Variants in NBEA observed in about 807,000 individuals in gnomAD.
NBEA encodes the protein lysosomal-trafficking regulator 2.
In NBEA, 44 loss-of-function variants were observed where a neutral mutation model predicts 343.4. That is an observed-to-expected ratio of 0.13 (90% confidence interval 0.10 to 0.16). The LOEUF is 0.16. NBEA is among the 10% of genes least tolerant of loss of function. The probability of loss-of-function intolerance (pLI) is 1.00; values close to 1 mark genes in which losing one functional copy is unlikely to be tolerated. For missense variants in NBEA, 2,555 were observed against 3,631.3 expected (o/e 0.70, Z 7.62); for synonymous variants, 1,175 against 1,238.7 (o/e 0.95, Z 1.08).
chr13:35,178,050 C>T (rs1271971142), intron 28 of NBEA, among the ~76,000 whole-genome samples: 1 of 151,460 alleles, frequency 6.6e-6, no homozygotes, highest in East Asian at 1.9e-4. Flanking sequence ...GGACACAAGG[C>T]AACAAACATG....
intron 31 of NBEA, among the ~76,000 whole-genome samples, chr13:35,208,169 G>T (rs1254047838): frequency 6.6e-6 from 1 of 152,108 alleles, no homozygotes; most frequent in African/African-American, 2.4e-5. Context: ...GTAGTGAGCC[G>T]AGATGGCACC....
rs59333937 is a variant in NBEA, at chr13:35,631,638, TAAAAAAAA to T, written c.7617+3406_7617+3413del. Among the ~76,000 whole-genome samples, 165 of 126,460 alleles carry T rather than the reference TAAAAAAAA, an allele frequency of 1.3e-3. 4 individuals are homozygous for T. In the East Asian group the frequency reaches 0.034, roughly 26 times the overall value. The allele number at this position is 126,460 out of a possible 152,430, so 83.0% of individuals were successfully genotyped here. A position where few individuals can be genotyped will look rare whatever the true frequency, so the allele number is the denominator to read the frequency against. ...TGAATATCTATATATGTCTCCTTTGTAAAAAAAAAAAAAAAAAAAAAAATTCTACTACT... is the reference window on the plus strand; with the variant it reads ...TGAATATCTATATATGTCTCCTTTGTAAAAAAAAAAAAAAATTCTACTACT... On this transcript the variant is annotated intron_variant, in intron 49 of 58. Coordinates refer to ENST00000379939, the MANE Select transcript of NBEA (RefSeq NM_001385012.1).
chr13:35,568,421 A>T (rs968747954), intron 45 of NBEA, among the ~76,000 whole-genome samples: 1 of 152,196 alleles, frequency 6.6e-6, no homozygotes. Flanking sequence ...TTCCAAGGTG[A>T]GTCAACCAAA....
intron 6 of NBEA, 111 bp downstream of exon 6, chr13:35,050,506 G>T: frequency 2.6e-6 from 3 of 1,137,082 alleles, no homozygotes; most frequent in East Asian, 2.7e-5. Context: ...GCTTTTAATT[G>T]TTTTCTCTTA....
At chr13:35,429,404 A>G (rs1223349264) in intron 38 of NBEA, among the ~76,000 whole-genome samples, 2 of 152,000 alleles carry the variant, frequency 1.3e-5, no homozygotes, top group Non-Finnish European at 2.9e-5. Context: ...CTATCTTGCT[A>G]AACTGCTGTT....
intron 31 of NBEA, among the ~76,000 whole-genome samples, chr13:35,206,262 C>G (rs2073389169): frequency 6.6e-6 from 1 of 151,982 alleles, no homozygotes; most frequent in South Asian, 2.1e-4. Context: ...AGCTTTTGCT[C>G]AAAGTTAGTA....
At chr13:35,417,784 T>C (rs2044017201) in intron 38 of NBEA, among the ~76,000 whole-genome samples, 3 of 152,292 alleles carry the variant, frequency 2.0e-5, no homozygotes, top group South Asian at 4.1e-4. Context: ...AATTCCTGGA[T>C]ATCCTTGTTA....
At chr13:35,557,827 G>C (rs962204866) in intron 44 of NBEA, among the ~76,000 whole-genome samples, 9 of 152,106 alleles carry the variant, frequency 5.9e-5, no homozygotes, top group South Asian at 2.1e-4. Flanking sequence ...ATTTTAAAAT[G>C]TGTTTGGGGA....
chr13:35,392,387 C>T (rs565520783), intron 38 of NBEA, among the ~76,000 whole-genome samples: 40 of 151,958 alleles, frequency 2.6e-4, no homozygotes, highest in African/African-American at 9.6e-4. Context: ...CCTTTAAAAG[C>T]CCTGAAGTAT....
chr13:34,947,511 A>C (rs903657817), intron 1 of NBEA, among the ~76,000 whole-genome samples: 6 of 151,820 alleles, frequency 4.0e-5, no homozygotes, highest in African/African-American at 1.5e-4. Context: ...TTAACTATAT[A>C]CTGAACATAT....
rs1163452085 is a variant in NBEA at position 35,007,328 on chromosome 13, AT to A, written c.295-33597del. ...GTCCTTACTATGTCCATATGACTGA[AT>A]TTTTTTTGATGTGTATTCTAGTTCA... On this transcript the variant is annotated intron_variant, in intron 1 of 58. Coordinates refer to ENST00000379939, the MANE Select transcript of NBEA (RefSeq NM_001385012.1). Among the ~76,000 whole-genome samples, 6 of 151,732 alleles carry A rather than the reference AT, an allele frequency of 4.0e-5. No homozygotes were observed. In the East Asian group the frequency reaches 9.7e-4, roughly 25 times the overall value.
At chr13:35,016,621 CATTT>C (rs1256777617) in intron 1 of NBEA, among the ~76,000 whole-genome samples, 1 of 132,496 alleles carries the variant, frequency 7.5e-6, no homozygotes, top group African/African-American at 2.8e-5. Context: ...CACACACACA[CATTT>C]ATTTATTTTA....
intron 35 of NBEA, among the ~76,000 whole-genome samples, chr13:35,306,942 A>G (rs2036928991): frequency 1.3e-5 from 2 of 152,040 alleles, no homozygotes; most frequent in South Asian, 4.1e-4. Flanking sequence ...TGCCTTACTC[A>G]ATATTTCTAT....
chr13:35,053,125 C>A (rs2063123504), intron 6 of NBEA, among the ~76,000 whole-genome samples: 1 of 152,062 alleles, frequency 6.6e-6, no homozygotes, highest in South Asian at 2.1e-4. Context: ...CCACACTTGC[C>A]TGCCTATCTC....
intron 1 of NBEA, among the ~76,000 whole-genome samples, chr13:34,959,575 A>G (rs535564141): frequency 2.5e-4 from 38 of 152,206 alleles, no homozygotes; most frequent in African/African-American, 8.7e-4. Flanking sequence ...TGACATACTT[A>G]TTTTAGGAGT....
chr13:34,957,605 TA>T (rs2059537913), intron 1 of NBEA, among the ~76,000 whole-genome samples: 3 of 152,062 alleles, frequency 2.0e-5, no homozygotes, highest in Admixed American at 2.0e-4. Flanking sequence ...ATTTTAACAT[TA>T]AAAAAAGGTA....
intron 23 of NBEA, 46 bp downstream of exon 23, chr13:35,162,013 A>G: frequency 1.4e-6 from 2 of 1,460,436 alleles, no homozygotes; most frequent in African/African-American, 2.8e-5. Flanking sequence ...TATTTAAAAT[A>G]TGCCATTGCC....
At chr13:35,132,354 T>A (rs1471818284) in intron 17 of NBEA, among the ~76,000 whole-genome samples, 1 of 152,054 alleles carries the variant, frequency 6.6e-6, no homozygotes, top group African/African-American at 2.4e-5. Context: ...GAGATGGGGT[T>A]TCACTATGTT....
intron 48 of NBEA, among the ~76,000 whole-genome samples, chr13:35,626,830 A>G (rs988682517): frequency 6.6e-6 from 1 of 152,214 alleles, no homozygotes; most frequent in East Asian, 1.9e-4. Context: ...TCGATGAGAT[A>G]GACAATATAG....
Sources: allele counts gnomAD v4.1 joint callset (sites outside exome capture counted in the v4.1 genomes callset), GRCh38; gene constraint gnomAD v4.1.1; transcripts MANE v1.5; gene names NCBI Gene and HGNC (gene_info 2026-07-23, HGNC 2026-07-21).